KLRC3: variants seen among roughly 807,000 people sequenced by gnomAD.
The protein encoded by KLRC3 is killer cell lectin like receptor C3, also known as NKG2-E type II integral membrane protein.
Under a neutral mutation model 23.6 loss-of-function variants are expected in KLRC3, and 16 were observed. The observed-to-expected ratio is 0.68, with a 90% confidence interval of 0.46 to 1.03. The LOEUF is 1.03. KLRC3 is among the 50% of genes least tolerant of loss of function. KLRC3 has a pLI of 0.00. For missense variants in KLRC3, 209 were observed against 232.2 expected (o/e 0.90, Z 0.65); for synonymous variants, 70 against 71.8 (o/e 0.98, Z 0.13).
rs146038951 is a variant in KLRC3, at chr12:10,412,346, C to A, written c.*226G>T. ...TCATTGATTTATTTTCCAATCATAA[C>A]GGTCTGCATTTTAATATTAATATTT... On this transcript the variant is annotated 3_prime_UTR_variant, in exon 7 of 7. Coordinates refer to ENST00000396439, the MANE Select transcript of KLRC3 (RefSeq NM_002261.3). 14 of 556,942 alleles carry A rather than the reference C, an allele frequency of 2.5e-5. No homozygotes were observed. The East Asian group carries it at 4.5e-4, about 18-fold the overall frequency. The allele number at this position is 556,942 out of a possible 1,614,324, so 34.5% of individuals were successfully genotyped here.
intron 3 of KLRC3, among the ~76,000 whole-genome samples, chr12:10,418,740 C>T (rs568580680): frequency 6.6e-6 from 1 of 152,254 alleles, no homozygotes; most frequent in African/African-American, 2.4e-5. Flanking sequence ...ATACACTCCA[C>T]ACATGTCTTG....
At chr12:10,419,616 A>G (rs758239697) in intron 2 of KLRC3, 1 of 1,054,988 alleles carries the variant, frequency 9.5e-7, no homozygotes, top group Non-Finnish European at 1.3e-6. Flanking sequence ...AATTAAAATG[A>G]TTTTTATAAA....
chr12:10,414,616 G>T (rs1019754769), intron 6 of KLRC3, among the ~76,000 whole-genome samples: 1 of 129,074 alleles, frequency 7.7e-6, no homozygotes, highest in Non-Finnish European at 1.6e-5. Flanking sequence ...GTTGTGGGGT[G>T]GGGGGAGGGG....
At chr12:10,412,760 G>A (rs1293535353) in intron 6 of KLRC3, 144 bp from the exon 7 acceptor site, 7 of 603,448 alleles carry the variant, frequency 1.2e-5, no homozygotes, top group Non-Finnish European at 2.0e-5. Context: ...TGAAATTGGG[G>A]AAATATACTT....
intron 6 of KLRC3, among the ~76,000 whole-genome samples, chr12:10,413,863 G>A (rs1421805283): frequency 6.8e-6 from 1 of 147,758 alleles, no homozygotes; most frequent in Non-Finnish European, 1.5e-5. Flanking sequence ...CCACCTATGA[G>A]TGAGAACATG....
At chr12:10,417,054 A>T (rs1863655106) in intron 4 of KLRC3, among the ~76,000 whole-genome samples, 2 of 151,936 alleles carry the variant, frequency 1.3e-5, no homozygotes, top group Admixed American at 6.5e-5. Context: ...TTCTCCAGAT[A>T]CTGTGACTAA....
chr12:10,414,574 C>G (rs1245398502), intron 6 of KLRC3, among the ~76,000 whole-genome samples: 1 of 124,996 alleles, frequency 8.0e-6, no homozygotes, highest in African/African-American at 3.2e-5. Context: ...ATTTGCAGGA[C>G]ACAGGCAGGG....
chr12:10,417,823 C>G (rs1484960766), intron 4 of KLRC3, among the ~76,000 whole-genome samples: 1 of 152,152 alleles, frequency 6.6e-6, no homozygotes, highest in Non-Finnish European at 1.5e-5. Flanking sequence ...TGGAGGAATT[C>G]CACAAATATC....
chr12:10,413,179 G>C (rs1863596336), intron 6 of KLRC3, among the ~76,000 whole-genome samples: 1 of 152,152 alleles, frequency 6.6e-6, no homozygotes, highest in South Asian at 2.1e-4. Flanking sequence ...CAGTTTAATA[G>C]AAAATGTTCT....
chr12:10,416,372 C>T (rs535879990), intron 5 of KLRC3, among the ~76,000 whole-genome samples: 16 of 152,274 alleles, frequency 1.1e-4, no homozygotes, highest in Admixed American at 3.9e-4. Context: ...CATCAGCTAG[C>T]GTTAGTGTTA....
Position 10,412,362 on chromosome 12 carries a change from A to G in KLRC3, c.*210T>C, listed in dbSNP as rs1863587993. 1.1e-5 allele frequency: 6 copies of G among 571,414 alleles called. No homozygotes were observed. In the Admixed American group the frequency reaches 2.1e-4, roughly 20 times the overall value. The allele number at this position is 571,414 out of a possible 1,614,324, so 35.4% of individuals were successfully genotyped here. ...CAATCATAACGGTCTGCATTTTAATATTAATATTTGTTGTAAATGACTAAT... is the reference window on the plus strand; with the variant it reads ...CAATCATAACGGTCTGCATTTTAATGTTAATATTTGTTGTAAATGACTAAT... On this transcript the variant is annotated 3_prime_UTR_variant, in exon 7 of 7. Coordinates refer to ENST00000396439, the MANE Select transcript of KLRC3 (RefSeq NM_002261.3).
intron 6 of KLRC3, chr12:10,415,444 T>A (rs1863626837): frequency 1.8e-6 from 1 of 548,330 alleles, no homozygotes; most frequent in African/African-American, 1.9e-5. Flanking sequence ...CAACATAACA[T>A]GCAACTTTTA....
At chr12:10,416,009 A>AATGGCTG (rs139567617) in intron 5 of KLRC3, among the ~76,000 whole-genome samples, 2,120 of 152,320 alleles carry the variant, frequency 0.014, 44 homozygotes, top group African/African-American at 0.049. Flanking sequence ...GAATGTCTGA[A>AATGGCTG]ATAGTACAGA....
chr12:10,416,635 T>A, intron 5 of KLRC3, 32 bp downstream of exon 5: 1 of 1,583,370 alleles, frequency 6.3e-7, no homozygotes, highest in Non-Finnish European at 8.6e-7. Context: ...TCCTTTATAT[T>A]TTTTTATATA....
intron 6 of KLRC3, 148 bp from the exon 7 acceptor site, chr12:10,412,764 TATAC>T: frequency 1.7e-6 from 1 of 605,508 alleles, no homozygotes; most frequent in Non-Finnish European, 2.9e-6. Flanking sequence ...ATTGGGGAAA[TATAC>T]TTCATAATGA....
At chr12:10,419,520 A>C (rs763379953) in intron 2 of KLRC3, 13 of 857,932 alleles carry the variant, frequency 1.5e-5, no homozygotes, top group Non-Finnish European at 2.1e-5. Context: ...AATTGTACTA[A>C]TATCAGAACT....
intron 3 of KLRC3, 76 bp from the exon 4 acceptor site, chr12:10,418,574 G>A: frequency 7.0e-7 from 1 of 1,421,208 alleles, no homozygotes; most frequent in Non-Finnish European, 9.7e-7. Flanking sequence ...ATTTGCAACA[G>A]TATAAACATA....
At chr12:10,413,700 A>T (rs1863602925) in intron 6 of KLRC3, among the ~76,000 whole-genome samples, 2 of 152,186 alleles carry the variant, frequency 1.3e-5, no homozygotes, top group South Asian at 4.1e-4. Context: ...ACATAGGCAT[A>T]GATGTGCCAT....
At chr12:10,417,214 T>A (rs900784269) in intron 4 of KLRC3, among the ~76,000 whole-genome samples, 1 of 151,822 alleles carries the variant, frequency 6.6e-6, no homozygotes, top group Admixed American at 6.6e-5. Flanking sequence ...TCAATTTTTA[T>A]CCGATTCGGT....
Sources: gnomAD v4.1 joint callset for allele counts (sites outside exome capture counted in the v4.1 genomes callset) on GRCh38, gnomAD v4.1.1 for gene constraint, MANE v1.5 for transcripts, NCBI Gene and HGNC (gene_info 2026-07-23, HGNC 2026-07-21) for gene names.